Variants in AGBL1 observed in about 807,000 individuals in gnomAD.
The protein encoded by AGBL1 is AGBL carboxypeptidase 1, also known as cytosolic carboxypeptidase 4.
Under a neutral mutation model 118.9 loss-of-function variants are expected in AGBL1, and 130 were observed. The ratio of observed to expected loss-of-function variants is 1.09; its 90% CI spans 0.95 to 1.26. AGBL1 has a LOEUF of 1.26. Ranked by LOEUF, AGBL1 falls within the 50% of genes most tolerant of loss-of-function variation. The pLI is 0.00. For synonymous variants in AGBL1, 555 were observed against 478.9 expected, an observed-to-expected ratio of 1.16 and a Z score of -2.08; for missense variants, 1,584 against 1,298.1, an observed-to-expected ratio of 1.22 and a Z score of -3.38.
intron 24 of AGBL1, among the ~76,000 whole-genome samples, chr15:86,993,943 C>A (rs2081355313): frequency 6.6e-6 from 1 of 152,086 alleles, no homozygotes; most frequent in African/African-American, 2.4e-5. Context: ...TGATCCAAAC[C>A]TGAGTTCTAC....
intron 18 of AGBL1, among the ~76,000 whole-genome samples, chr15:86,403,310 A>C (rs563944176): frequency 6.6e-6 from 1 of 152,318 alleles, no homozygotes; most frequent in South Asian, 2.1e-4. Context: ...GAGTATATAC[A>C]ACTCTAAAAA....
intron 22 of AGBL1, among the ~76,000 whole-genome samples, chr15:86,736,225 C>T (rs138127641): frequency 0.011 from 1,601 of 152,092 alleles, 14 homozygotes; most frequent in Middle Eastern, 0.031. Flanking sequence ...ACTAAAAATA[C>T]AAAAATTAGC....
intron 22 of AGBL1, among the ~76,000 whole-genome samples, chr15:86,779,815 G>A (rs1012815654): frequency 6.6e-6 from 1 of 151,832 alleles, no homozygotes; most frequent in Non-Finnish European, 1.5e-5. Flanking sequence ...AACCATTTGA[G>A]TCTCTTCTTT....
At chr15:86,412,866 A>G (rs1443935204) in intron 18 of AGBL1, among the ~76,000 whole-genome samples, 3 of 152,184 alleles carry the variant, frequency 2.0e-5, no homozygotes, top group Admixed American at 1.3e-4. Context: ...TGACAATGCC[A>G]AGTACTTTAC....
intron 3 of AGBL1, among the ~76,000 whole-genome samples, chr15:86,147,238 C>T (rs545294586): frequency 1.3e-5 from 2 of 152,064 alleles, no homozygotes; most frequent in East Asian, 1.9e-4. Flanking sequence ...ACTGAGGTAC[C>T]GGGTTCATCT....
At chr15:86,103,960 C>T (rs1478181534) in intron 1 of AGBL1, among the ~76,000 whole-genome samples, 2 of 152,098 alleles carry the variant, frequency 1.3e-5, no homozygotes, top group East Asian at 1.9e-4. Context: ...CAGGACAACC[C>T]TCTAGCTCCC....
At chr15:86,146,370 G>A (rs573238516) in intron 3 of AGBL1, among the ~76,000 whole-genome samples, 13 of 152,196 alleles carry the variant, frequency 8.5e-5, no homozygotes, top group Middle Eastern at 3.2e-3. Context: ...TGTAAGGTCT[G>A]AGGATGTGTG....
At chr15:86,767,809 A>G (rs1324082876) in intron 22 of AGBL1, among the ~76,000 whole-genome samples, 1 of 151,970 alleles carries the variant, frequency 6.6e-6, no homozygotes, top group Non-Finnish European at 1.5e-5. Flanking sequence ...TCTTACTGGT[A>G]GCATTCTGTA....
chr15:86,094,997 C>A (rs190136242), intron 1 of AGBL1, among the ~76,000 whole-genome samples: 1 of 152,160 alleles, frequency 6.6e-6, no homozygotes, highest in African/African-American at 2.4e-5. Flanking sequence ...CCCACAGCTC[C>A]GTCTTCAGGT....
chr15:86,498,223 A>G (rs2082876925), intron 18 of AGBL1, among the ~76,000 whole-genome samples: 2 of 151,890 alleles, frequency 1.3e-5, no homozygotes, highest in African/African-American at 4.8e-5. Context: ...ATTCAGAATT[A>G]ATTGCTTCCA....
intron 22 of AGBL1, among the ~76,000 whole-genome samples, chr15:86,793,292 A>G (rs2078522367): frequency 6.6e-6 from 1 of 152,236 alleles, no homozygotes; most frequent in African/African-American, 2.4e-5. Flanking sequence ...CTCTAGACAT[A>G]TGAACCAGTG....
At chr15:86,737,108 T>C (rs978444762) in intron 22 of AGBL1, among the ~76,000 whole-genome samples, 2 of 152,150 alleles carry the variant, frequency 1.3e-5, no homozygotes, top group East Asian at 1.9e-4. Context: ...AAATTGCTGA[T>C]AGAGAAGACA....
intron 24 of AGBL1, among the ~76,000 whole-genome samples, chr15:86,988,837 T>C (rs1163526651): frequency 1.3e-5 from 2 of 152,188 alleles, no homozygotes; most frequent in Non-Finnish European, 2.9e-5. Flanking sequence ...TACATGAATA[T>C]TAATATCACC....
At chr15:86,286,276 C>T (rs1308996454) in intron 16 of AGBL1, among the ~76,000 whole-genome samples, 1 of 151,998 alleles carries the variant, frequency 6.6e-6, no homozygotes, top group Non-Finnish European at 1.5e-5. Flanking sequence ...ATAAACGTAT[C>T]TATCACCTCA....
At chr15:86,986,475 A>G (rs936157367) in intron 23 of AGBL1, among the ~76,000 whole-genome samples, 3 of 152,184 alleles carry the variant, frequency 2.0e-5, no homozygotes, top group African/African-American at 7.2e-5. Flanking sequence ...TCAAACTTGT[A>G]GTCATTGTAT....
chr15:86,539,162 A>G (rs2083462594), intron 19 of AGBL1, among the ~76,000 whole-genome samples: 1 of 152,202 alleles, frequency 6.6e-6, no homozygotes, highest in East Asian at 1.9e-4. Flanking sequence ...GTTCAAAACT[A>G]AACACTCCAG....
chr15:86,946,821 G>A (rs149399474), intron 23 of AGBL1, among the ~76,000 whole-genome samples: 5,477 of 127,066 alleles, frequency 0.043, 147 homozygotes, highest in Middle Eastern at 0.12. Context: ...TCCAGCCTGG[G>A]CAACGAGAGT....
intron 6 of AGBL1, among the ~76,000 whole-genome samples, chr15:86,234,105 A>T (rs1225640224): frequency 4.6e-5 from 7 of 152,132 alleles, no homozygotes; most frequent in Non-Finnish European, 8.8e-5. Flanking sequence ...ACTTAGTTCT[A>T]TCTCAAGGGC....
chr15:86,929,874 T>G (rs1178887074), intron 23 of AGBL1, among the ~76,000 whole-genome samples: 1 of 152,242 alleles, frequency 6.6e-6, no homozygotes, highest in East Asian at 1.9e-4. Context: ...ATTTCTAAAC[T>G]GGGTAAACTA....
Sources: allele counts gnomAD v4.1 joint callset (sites outside exome capture counted in the v4.1 genomes callset), GRCh38; gene constraint gnomAD v4.1.1; transcripts MANE v1.5; gene names NCBI Gene and HGNC (gene_info 2026-07-23, HGNC 2026-07-21).